Variants in EWSR1 observed in about 807,000 individuals in gnomAD.
EWSR1 encodes the protein EWS RNA binding protein 1.
In EWSR1, 14 loss-of-function variants were observed where a neutral mutation model predicts 92.1. The ratio of observed to expected loss-of-function variants is 0.15; its 90% CI spans 0.10 to 0.24. EWSR1 has a LOEUF of 0.24. Among genes scored for constraint, EWSR1 ranks in the 10% least tolerant of loss-of-function variants. The pLI is 1.00. For synonymous variants in EWSR1, 303 were observed against 292.9 expected (o/e 1.03, Z -0.35); for missense variants, 637 against 870.9 (o/e 0.73, Z 3.38).
intron 5 of EWSR1, among the ~76,000 whole-genome samples, chr22:29,278,986 C>T (rs2059345076): frequency 6.7e-6 from 1 of 150,216 alleles, no homozygotes; most frequent in South Asian, 2.1e-4. Context: ...CAGAGGAAGA[C>T]TTCACCTCAA....
In EWSR1 at chr22:29,288,659, G is replaced by A; in HGVS notation, c.847G>A (p.Gly283Arg). 1 of 1,613,784 alleles carries A rather than the reference G, an allele frequency of 6.2e-7. No individual in the cohort carries two copies. The highest frequency in any genetic ancestry group is 8.5e-7 in the Non-Finnish European group (1 of 1,179,840). The stretch of plus-strand genomic sequence containing the variant: ...CATGGGTGTTTATGGGCAGGAGTCT[G>A]GAGGATTTTCCGGACCAGGAGAGAA... ...SSMGVYGQES[G>R]GFSGPGENRS... Residue 283 changes from glycine (G) to arginine (R), a missense_variant, in exon 8 of 17, where the codon GGA becomes AGA. By Grantham distance (125) the Gly-to-Arg change is moderately radical (BLOSUM62 -2). Around this residue, in one of 5 missense-constraint regions of EWSR1, gnomAD observed 116 missense variants for 167.8 expected, o/e 0.69. Transcript: ENST00000397938.
intron 11 of EWSR1, 161 bp from the exon 12 acceptor site, chr22:29,296,078 A>G: frequency 1.3e-6 from 1 of 752,814 alleles, no homozygotes; most frequent in Non-Finnish European, 2.1e-6. Context: ...GATAGAGGAG[A>G]AAATAACTTA....
chr22:29,285,682 G>A (rs1445889548), intron 6 of EWSR1, among the ~76,000 whole-genome samples: 3 of 151,158 alleles, frequency 2.0e-5, no homozygotes, highest in Non-Finnish European at 4.4e-5. Flanking sequence ...GATTATTGGC[G>A]GGCAGGCTTG....
intron 11 of EWSR1, 127 bp downstream of exon 11, chr22:29,292,733 T>C (rs1191871836): frequency 2.9e-5 from 17 of 584,168 alleles, no homozygotes; most frequent in Non-Finnish European, 5.0e-5. Flanking sequence ...AGGTATCTTA[T>C]GGTTTGTTCC....
chr22:29,279,021 T>G (rs920581026), intron 5 of EWSR1, among the ~76,000 whole-genome samples: 5 of 151,520 alleles, frequency 3.3e-5, no homozygotes, highest in African/African-American at 1.2e-4. Flanking sequence ...GAAATGGTGC[T>G]ATCGAAGGGT....
At chr22:29,275,210 C>G (rs1006768633) in intron 4 of EWSR1, among the ~76,000 whole-genome samples, 1 of 152,188 alleles carries the variant, frequency 6.6e-6, no homozygotes, top group Non-Finnish European at 1.5e-5. Context: ...GTGAGATAAA[C>G]TTCATGTATT....
At chr22:29,299,490 T>C in intron 15 of EWSR1, 109 bp from the exon 16 acceptor site, 1 of 1,490,792 alleles carries the variant, frequency 6.7e-7, no homozygotes, top group Non-Finnish European at 8.9e-7. Context: ...TTGAGTGAAG[T>C]GTCTGGTTTG....
chr22:29,270,364 C>T (rs1408632153), intron 1 of EWSR1, among the ~76,000 whole-genome samples: 1 of 152,206 alleles, frequency 6.6e-6, no homozygotes, highest in Non-Finnish European at 1.5e-5. Context: ...AAGTCAGTGG[C>T]TCACTTTTGG....
intron 16 of EWSR1, 101 bp from the exon 17 acceptor site, chr22:29,300,020 AT>A: frequency 1.9e-6 from 1 of 519,962 alleles, no homozygotes. Flanking sequence ...ACCCCTTCCC[AT>A]TCTAACCGAT....
At position 29,285,239 on chromosome 22, in the gene EWSR1, G is replaced by A. The variant is rs140504026; in HGVS notation, c.582-1684G>A. 3.5e-4 allele frequency among the ~76,000 whole-genome samples: 51 copies of A among 146,598 alleles called. 2 individuals carry two copies. Among genetic ancestry groups the A allele is most frequent in the African/African-American group, 1.2e-3 (48 of 38,444 alleles). On this transcript the variant is annotated intron_variant, in intron 6 of 16. Coordinates refer to ENST00000397938, the MANE Select transcript of EWSR1 (RefSeq NM_005243.4). The stretch of plus-strand genomic sequence containing the variant: ...TCCAGGTTTAAACAGTTCTCTTGCC[G>A]CAGCCTCTCGAGTAGCTGGGACTAT...
chr22:29,288,552 C>G (rs2060221241), intron 7 of EWSR1, 54 bp from the exon 8 acceptor site: 1 of 1,497,640 alleles, frequency 6.7e-7, no homozygotes, highest in Non-Finnish European at 9.0e-7. Context: ...GAAAGTACAT[C>G]AGGCAGTGGT....
At chr22:29,279,684 T>G (rs189377613) in intron 5 of EWSR1, among the ~76,000 whole-genome samples, 1 of 152,346 alleles carries the variant, frequency 6.6e-6, no homozygotes, top group Non-Finnish European at 1.5e-5. Flanking sequence ...GGTAAGAAAT[T>G]AGCTCTGACA....
intron 1 of EWSR1, 72 bp downstream of exon 1, chr22:29,268,421 G>A: frequency 6.2e-7 from 1 of 1,613,130 alleles, no homozygotes; most frequent in Non-Finnish European, 8.5e-7. Flanking sequence ...TCGTCTCTGG[G>A]CTTGGCTGGG....
At chr22:29,274,121 A>G in intron 4 of EWSR1, 4 of 936,216 alleles carry the variant, frequency 4.3e-6, no homozygotes, top group South Asian at 1.4e-5. Context: ...GATGAAATGG[A>G]GACTATGTAA....
intron 1 of EWSR1, among the ~76,000 whole-genome samples, chr22:29,268,735 CG>C (rs892472472): frequency 6.6e-6 from 1 of 152,240 alleles, no homozygotes; most frequent in Non-Finnish European, 1.5e-5. Flanking sequence ...ATGAAACCGC[CG>C]GGGGGCCCGC....
In EWSR1 at chr22:29,275,251, A is replaced by G. The variant is rs140707850; in HGVS notation, c.226+1387A>G. ...CATTACATTTTTTAAAACAAGCATG[A>G]TGTGAAAGTTAATGTGGCCTAGATC... On this transcript the variant is annotated intron_variant, in intron 4 of 16. Transcript: ENST00000397938. Among the ~76,000 whole-genome samples the G allele has an allele frequency of 7.5e-3, 1,148 of 152,318 alleles. 17 individuals are homozygous for G. Among genetic ancestry groups the G allele is most frequent in the African/African-American group, 0.026 (1,093 of 41,570 alleles).
At chr22:29,282,990 C>T (rs1192743144) in intron 6 of EWSR1, among the ~76,000 whole-genome samples, 1 of 152,168 alleles carries the variant, frequency 6.6e-6, no homozygotes, top group East Asian at 1.9e-4. Context: ...TCTCAATCTC[C>T]TGACCTCGTG....
chr22:29,276,302 C>A (rs966028120), intron 4 of EWSR1: 1 of 229,580 alleles, frequency 4.4e-6, no homozygotes. Flanking sequence ...TTCAGATGAA[C>A]AACATGCCAA....
intron 9 of EWSR1, 97 bp from the exon 10 acceptor site, chr22:29,292,039 CA>C: frequency 9.7e-7 from 1 of 1,027,202 alleles, no homozygotes; most frequent in Non-Finnish European, 1.5e-6. Context: ...GAATCCCCAT[CA>C]AATGGTGGTA....
Sources: gnomAD v4.1 joint callset for allele counts (sites outside exome capture counted in the v4.1 genomes callset) on GRCh38, gnomAD v4.1.1 for gene constraint, gnomAD v4.1.1 regional missense constraint, MANE v1.5 for transcripts, NCBI Gene and HGNC (gene_info 2026-07-23, HGNC 2026-07-21) for gene names.